CFAP47: variants seen among roughly 807,000 people sequenced by gnomAD.
The protein encoded by CFAP47 is cilia and flagella associated protein 47, also known as cilia- and flagella-associated protein 47.
CFAP47 carries 29 observed loss-of-function variants against 148.1 expected under a neutral mutation model. That is an observed-to-expected ratio of 0.20 (90% confidence interval 0.15 to 0.27). CFAP47 has a LOEUF of 0.27. Ranked by LOEUF, CFAP47 falls within the 10% of genes least tolerant of loss-of-function variation. The pLI is 1.00. For missense variants in CFAP47, 1,872 were observed against 1,697.5 expected (o/e 1.10, Z -1.81); for synonymous variants, 664 against 577.3 (o/e 1.15, Z -2.15).
At chrX:36,326,988 C>T (rs1556013176) in intron 57 of CFAP47, among the ~76,000 whole-genome samples, 2 of 111,336 alleles carry the variant, frequency 1.8e-5, no homozygotes. Context: ...TGTAAGACCT[C>T]AAACTGTAAA....
chrX:36,268,392 GCAACTT>G (rs1940920349), intron 49 of CFAP47, among the ~76,000 whole-genome samples: 1 of 112,645 alleles, frequency 8.9e-6, no homozygotes, highest in African/African-American at 3.2e-5. Flanking sequence ...AGACATTCCT[GCAACTT>G]AATTGTTTGC....
Position 36,243,980 on chromosome X carries a change from T to C in CFAP47, c.7332+7121T>C, listed in dbSNP as rs192644867. Among the ~76,000 whole-genome samples, 951 of 110,391 alleles carry C rather than the reference T, an allele frequency of 8.6e-3. 12 individuals are homozygous for C. The highest frequency in any genetic ancestry group is 0.029 in the African/African-American group (891 of 30,592). On this transcript the variant is annotated intron_variant, in intron 48 of 63. Transcript: ENST00000378653. ...ATTTTAAGATTGACCACATGTTCAG[T>C]AATTAAAGCAAGACTCAATACGTTA...
chrX:36,150,748 A>G (rs1939298568), intron 37 of CFAP47, among the ~76,000 whole-genome samples: 1 of 111,596 alleles, frequency 9.0e-6, no homozygotes, highest in African/African-American at 3.2e-5. Context: ...AGGGGCATAT[A>G]AAAGATCTTA....
chrX:36,182,787 A>AT (rs1569282950), intron 40 of CFAP47, among the ~76,000 whole-genome samples: 2 of 112,296 alleles, frequency 1.8e-5, no homozygotes, highest in African/African-American at 3.2e-5. Context: ...AATAAACTGG[A>AT]TTTTTTAAAG....
chrX:36,322,527 T>A (rs782272058), intron 57 of CFAP47, among the ~76,000 whole-genome samples: 58 of 111,457 alleles, frequency 5.2e-4, no homozygotes, highest in African/African-American at 1.7e-3. Flanking sequence ...TACTTTTATT[T>A]TAAATACTAC....
At chrX:36,226,291 C>A (rs73197189) in intron 45 of CFAP47, among the ~76,000 whole-genome samples, 6,346 of 110,954 alleles carry the variant, frequency 0.057, 159 homozygotes, top group Middle Eastern at 0.13. Flanking sequence ...TTGCTACAGT[C>A]CAGAATTGGA....
chrX:36,197,664 G>A (rs1489568299), intron 42 of CFAP47, among the ~76,000 whole-genome samples: 2 of 111,964 alleles, frequency 1.8e-5, no homozygotes, highest in Non-Finnish European at 3.8e-5. Context: ...ATTTTTGCTT[G>A]TAAAGTACGT....
chrX:35,973,354 T>C (rs1416262827), intron 13 of CFAP47, among the ~76,000 whole-genome samples: 2 of 110,568 alleles, frequency 1.8e-5, no homozygotes, highest in African/African-American at 6.6e-5. Flanking sequence ...CACACCTGGC[T>C]AATTTTTTGT....
chrX:36,381,980 G>C (rs1231294133), intron 63 of CFAP47, among the ~76,000 whole-genome samples: 2 of 110,765 alleles, frequency 1.8e-5, no homozygotes, highest in African/African-American at 6.6e-5. Flanking sequence ...ATTTGTGTTT[G>C]CCTTTAAAGG....
intron 13 of CFAP47, among the ~76,000 whole-genome samples, chrX:35,974,306 A>C (rs1421048635): frequency 8.9e-6 from 1 of 111,741 alleles, no homozygotes; most frequent in Non-Finnish European, 1.9e-5. Flanking sequence ...GAAGTGCTAT[A>C]CAATATACCC....
At chrX:36,072,437 A>G (rs1398715612) in intron 28 of CFAP47, among the ~76,000 whole-genome samples, 1 of 112,097 alleles carries the variant, frequency 8.9e-6, no homozygotes, top group Non-Finnish European at 1.9e-5. Context: ...AACTGTAGCC[A>G]AGGTTTCCTG....
intron 57 of CFAP47, among the ~76,000 whole-genome samples, chrX:36,346,797 A>G (rs1232958695): frequency 3.6e-5 from 4 of 111,416 alleles, no homozygotes; most frequent in African/African-American, 1.3e-4. Flanking sequence ...TGTGTCTTTT[A>G]AAAAGACTTA....
intron 16 of CFAP47, 56 bp downstream of exon 16, chrX:35,989,505 A>G: frequency 6.6e-6 from 8 of 1,210,671 alleles, no homozygotes; most frequent in Non-Finnish European, 8.9e-6. Flanking sequence ...TTTGTTGGGT[A>G]TACACTGGTG....
intron 57 of CFAP47, among the ~76,000 whole-genome samples, chrX:36,347,842 A>T (rs1367687747): frequency 2.7e-5 from 3 of 111,063 alleles, no homozygotes; most frequent in Non-Finnish European, 3.8e-5. Flanking sequence ...TGATGGGTTG[A>T]TGGGTGCAGC....
chrX:35,956,217 G>A (rs1019980942), intron 8 of CFAP47, 21 bp downstream of exon 8: 8 of 1,108,808 alleles, frequency 7.2e-6, no homozygotes, highest in Admixed American at 2.2e-5. Flanking sequence ...TTTTCTTTGC[G>A]TTTACATGGC....
intron 2 of CFAP47, among the ~76,000 whole-genome samples, chrX:35,937,104 GTTTTTTTTTTTTTT>G (rs377601530): frequency 1.0e-3 from 58 of 55,542 alleles, no homozygotes; most frequent in Middle Eastern, 0.013. Flanking sequence ...TGCAATTGCT[GTTTTTTTTTTTTTT>G]TTTTTTTTTT....
intron 42 of CFAP47, among the ~76,000 whole-genome samples, chrX:36,194,786 C>T (rs1351225622): frequency 3.6e-5 from 4 of 111,790 alleles, no homozygotes; most frequent in Non-Finnish European, 7.5e-5. Context: ...TTAGAAACCA[C>T]CCCCATGATC....
chrX:36,172,727 C>G (rs148273158), intron 39 of CFAP47, among the ~76,000 whole-genome samples: 1 of 111,532 alleles, frequency 9.0e-6, no homozygotes, highest in Non-Finnish European at 1.9e-5. Flanking sequence ...AATTTTGCAG[C>G]AATATTCATC....
intron 23 of CFAP47, among the ~76,000 whole-genome samples, chrX:36,032,124 G>A (rs957800245): frequency 1.8e-5 from 2 of 111,270 alleles, no homozygotes; most frequent in Non-Finnish European, 3.8e-5. Context: ...GACCTTATGT[G>A]TGGGGCTAGA....
Sources: gnomAD v4.1 joint callset for allele counts (sites outside exome capture counted in the v4.1 genomes callset) on GRCh38, gnomAD v4.1.1 for gene constraint, MANE v1.5 for transcripts, NCBI Gene and HGNC (gene_info 2026-07-23, HGNC 2026-07-21) for gene names.